IARS1: variants seen among roughly 807,000 people sequenced by gnomAD.
IARS1 encodes isoleucine--tRNA ligase, cytoplasmic.
IARS1 carries 124 observed loss-of-function variants against 168.2 expected under a neutral mutation model. That is an observed-to-expected ratio of 0.74 (90% CI 0.64 to 0.86). IARS1 has a LOEUF of 0.86. IARS1 is among the 40% of genes least tolerant of loss of function. The pLI, the probability that IARS1 is intolerant of heterozygous loss-of-function variation, is 0.00. For missense variants in IARS1, 1,452 were observed against 1,515.8 expected, an observed-to-expected ratio of 0.96 and a Z score of 0.70; for synonymous variants, 532 against 529.4, an observed-to-expected ratio of 1.00 and a Z score of -0.07.
rs1423549702 is a variant in IARS1, at chr9:92,222,589, C to A, written c.3637G>T (p.Glu1213Ter). ...CGAAGGCCAAACACCTTGGCTGCTT[C>A]ATACAGAAGACCTTGGTGGGTGAGT... ...NGLTHQGLLY[E>*]AAKVFGLRSR... Residue 1213 changes from glutamate (E) to a stop codon, truncating the protein, a stop_gained, in exon 33 of 34, where the codon GAA (glutamate) becomes TAA (stop). Coordinates refer to ENST00000443024, the MANE Select transcript of IARS1 (RefSeq NM_002161.6). LOFTEE classifies it high-confidence loss of function. 6.2e-7 allele frequency: 1 copy of A among 1,614,104 alleles called. No individual in the cohort carries two copies. Among genetic ancestry groups the A allele is most frequent in the South Asian group, 1.1e-5 (1 of 91,084 alleles).
chr9:92,287,750 C>A, intron 4 of IARS1, 41 bp downstream of exon 4: 1 of 1,584,382 alleles, frequency 6.3e-7, no homozygotes, highest in Non-Finnish European at 8.6e-7. Context: ...CATTTAGTAA[C>A]TACATTTGCT....
At chr9:92,231,843 A>C (rs1429859511) in intron 30 of IARS1, among the ~76,000 whole-genome samples, 2 of 152,222 alleles carry the variant, frequency 1.3e-5, no homozygotes, top group East Asian at 3.8e-4. Context: ...TTCTCTCAGC[A>C]ATATAGAAAC....
intron 21 of IARS1, chr9:92,252,390 C>T: frequency 3.9e-6 from 2 of 516,526 alleles, no homozygotes; most frequent in Non-Finnish European, 7.7e-6. Flanking sequence ...TAGCATATGT[C>T]CTTCTAGATA....
chr9:92,246,663 C>T, intron 26 of IARS1, among the ~76,000 whole-genome samples: 1 of 152,156 alleles, frequency 6.6e-6, no homozygotes, highest in South Asian at 2.1e-4. Context: ...CCTCCCACCT[C>T]AGCCTCCAGA....
At chr9:92,287,948 A>G (rs1302794931) in intron 3 of IARS1, 38 bp from the exon 4 acceptor site, 2 of 1,609,112 alleles carry the variant, frequency 1.2e-6, no homozygotes, top group Non-Finnish European at 1.7e-6. Flanking sequence ...ACGCTGCCCT[A>G]TGAAAACAAC....
Position 92,223,363 on chromosome 9 carries a change from A to C in IARS1, c.3536T>G (p.Leu1179Arg). ...GCACATACCTTGTGGCTTTGCATTCAGGAGCTGTAGGTTGATATACTGACA... is the reference window on the plus strand; with the variant it reads ...GCACATACCTTGTGGCTTTGCATTCCGGAGCTGTAGGTTGATATACTGACA... ...LLCQYINLQL[L>R]NAKPQECLMG... Residue 1179 changes from leucine (L) to arginine (R), a missense_variant, in exon 32 of 34, where the codon CTG becomes CGG. Transcript: ENST00000443024. 1 of 1,612,598 alleles carries C rather than the reference A, an allele frequency of 6.2e-7. No homozygotes were observed. The highest frequency in any genetic ancestry group is 8.5e-7 in the Non-Finnish European group (1 of 1,179,022).
At chr9:92,266,501 G>GT (rs1260882943) in intron 14 of IARS1, among the ~76,000 whole-genome samples, 2 of 152,212 alleles carry the variant, frequency 1.3e-5, no homozygotes, top group Non-Finnish European at 2.9e-5. Context: ...GCAGGCAACT[G>GT]TAACACAATG....
intron 33 of IARS1, among the ~76,000 whole-genome samples, chr9:92,214,004 T>C (rs1029480062): frequency 1.3e-5 from 2 of 151,806 alleles, no homozygotes; most frequent in Non-Finnish European, 2.9e-5. Context: ...GGTTTCACCA[T>C]ATTGGCCATG....
chr9:92,266,002 G>C (rs1460282455), intron 14 of IARS1, among the ~76,000 whole-genome samples: 1 of 152,132 alleles, frequency 6.6e-6, no homozygotes, highest in African/African-American at 2.4e-5. Flanking sequence ...TGGGCCGAAG[G>C]ATAGTATTTG....
intron 33 of IARS1, among the ~76,000 whole-genome samples, chr9:92,214,827 C>T (rs933514036): frequency 3.9e-5 from 6 of 152,218 alleles, no homozygotes; most frequent in Non-Finnish European, 7.3e-5. Flanking sequence ...AACTGCAAGG[C>T]GGCAGCAAGG....
chr9:92,220,478 A>G (rs1301361494), intron 33 of IARS1, among the ~76,000 whole-genome samples: 1 of 152,134 alleles, frequency 6.6e-6, no homozygotes, highest in African/African-American at 2.4e-5. Flanking sequence ...TTATCTGCAC[A>G]TGGTGGCACA....
chr9:92,222,524 C>T lies in IARS1; in HGVS notation c.3702G>A (p.Thr1234=), dbSNP rs763687468. The change falls in exon 33 of 34, where the codon ACG becomes ACA. Residue 1234 remains threonine (T), a synonymous_variant. Transcript: ENST00000443024. ...TACGGTCCACAATCTCCTTACCCTG[C>T]GTTTGGGTCTCATTCAGAAACAGCT... The part of the protein sequence containing the change: ...KLKLFLNETQ[T]QEITEDIPVK... 13 of 1,613,390 alleles carry T rather than the reference C, an allele frequency of 8.1e-6. No homozygotes were observed. Among genetic ancestry groups the T allele is most frequent in the African/African-American group, 2.7e-5 (2 of 74,846 alleles).
intron 33 of IARS1, among the ~76,000 whole-genome samples, chr9:92,212,505 T>A (rs1837924219): frequency 6.6e-6 from 1 of 152,182 alleles, no homozygotes; most frequent in Non-Finnish European, 1.5e-5. Flanking sequence ...AATACATAAT[T>A]CATACAGACA....
intron 30 of IARS1, among the ~76,000 whole-genome samples, chr9:92,235,653 A>T (rs1447966669): frequency 6.6e-6 from 1 of 150,800 alleles, no homozygotes; most frequent in Non-Finnish European, 1.5e-5. Context: ...TACTCTCCTG[A>T]GTAGCTGGGA....
intron 6 of IARS1, among the ~76,000 whole-genome samples, 169 bp from the exon 7 acceptor site, chr9:92,281,062 T>C (rs1834481417): frequency 6.6e-6 from 1 of 152,002 alleles, no homozygotes. Flanking sequence ...TAAAAAAATT[T>C]TTAAATACTT....
chr9:92,293,396 C>T (rs778604482), intron 1 of IARS1: 2 of 514,552 alleles, frequency 3.9e-6, no homozygotes, highest in Non-Finnish European at 7.9e-6. Flanking sequence ...TCAATTTATA[C>T]TATGTATATC....
chr9:92,250,657 T>C (rs1829884697), intron 23 of IARS1, 56 bp downstream of exon 23: 2 of 1,493,398 alleles, frequency 1.3e-6, no homozygotes, highest in African/African-American at 2.8e-5. Flanking sequence ...CCCCACATGC[T>C]TGAGCAACTC....
At chr9:92,268,674 C>T (rs905848365) in intron 13 of IARS1, among the ~76,000 whole-genome samples, 5 of 152,238 alleles carry the variant, frequency 3.3e-5, no homozygotes, top group African/African-American at 1.2e-4. Flanking sequence ...CAAAGGCCAA[C>T]AGGCCAGGGG....
intron 33 of IARS1, 58 bp downstream of exon 33, chr9:92,222,462 T>A (rs1055215783): frequency 6.9e-7 from 1 of 1,457,784 alleles, no homozygotes; most frequent in Non-Finnish European, 9.5e-7. Context: ...AAATGGTTAA[T>A]GGCATCAAAA....
Sources: allele counts gnomAD v4.1 joint callset (sites outside exome capture counted in the v4.1 genomes callset), GRCh38; gene constraint gnomAD v4.1.1; transcripts MANE v1.5; gene names NCBI Gene and HGNC (gene_info 2026-07-23, HGNC 2026-07-21).